Variants in SLCO1B1 observed in about 807,000 individuals in gnomAD.
The protein encoded by SLCO1B1 is solute carrier organic anion transporter family member 1B1, also known as OATP-2.
A neutral mutation model predicts 70.1 loss-of-function variants in SLCO1B1; 81 were observed. The ratio of observed to expected loss-of-function variants is 1.16; its 90% CI spans 0.97 to 1.39. The LOEUF (loss-of-function observed/expected upper bound fraction) is 1.39, where lower values mean the gene tolerates loss of function less well. Ranked by LOEUF, SLCO1B1 falls within the 40% of genes most tolerant of loss-of-function variation. The probability of loss-of-function intolerance (pLI) is 0.00; values close to 1 mark genes in which losing one functional copy is unlikely to be tolerated. For missense variants in SLCO1B1, 895 were observed against 799.6 expected (o/e 1.12, Z -1.44); for synonymous variants, 283 against 271.5 (o/e 1.04, Z -0.42).
chr12:21,157,600 ATTT>A (rs533368425), intron 2 of SLCO1B1, among the ~76,000 whole-genome samples: 18 of 136,790 alleles, frequency 1.3e-4, no homozygotes, highest in Admixed American at 1.5e-4. Context: ...AGACTGTAAA[ATTT>A]TTTTTTTTTT....
intron 1 of SLCO1B1, among the ~76,000 whole-genome samples, chr12:21,139,781 T>C (rs373321826): frequency 6.6e-6 from 1 of 152,192 alleles, no homozygotes; most frequent in African/African-American, 2.4e-5. Flanking sequence ...CTCTGTCTTC[T>C]TGTTTCTGCT....
At chr12:21,221,327 G>A (rs1941421650) in intron 12 of SLCO1B1, among the ~76,000 whole-genome samples, 1 of 151,996 alleles carries the variant, frequency 6.6e-6, no homozygotes, top group African/African-American at 2.4e-5. Context: ...TCAGGCAATA[G>A]AAAGAAAGAA....
intron 1 of SLCO1B1, among the ~76,000 whole-genome samples, chr12:21,132,177 A>G (rs563422262): frequency 1.3e-5 from 2 of 152,180 alleles, no homozygotes; most frequent in Non-Finnish European, 2.9e-5. Context: ...CATCATTTTT[A>G]TGGCTGCATA....
chr12:21,220,855 C>G, intron 12 of SLCO1B1, among the ~76,000 whole-genome samples: 1 of 150,716 alleles, frequency 6.6e-6, no homozygotes, highest in East Asian at 1.9e-4. Flanking sequence ...AAACCAATAT[C>G]CCTGATGAAC....
intron 10 of SLCO1B1, among the ~76,000 whole-genome samples, chr12:21,205,380 G>A (rs920913096): frequency 6.6e-6 from 1 of 151,586 alleles, no homozygotes; most frequent in African/African-American, 2.4e-5. Context: ...TCTGCTTTAA[G>A]CATGTCTGTT....
rs528687205 is a variant in SLCO1B1, at chr12:21,165,781, GC to G, written c.85-6866del. 2.2e-3 allele frequency among the ~76,000 whole-genome samples: 336 copies of G among 152,152 alleles called. 1 individual carries two copies. The highest frequency in any genetic ancestry group is 7.3e-3 in the African/African-American group (304 of 41,526). On this transcript the variant is annotated intron_variant, in intron 2 of 14. Transcript: ENST00000256958. ...TTAGCTGTTTGCAGCCTAGGAGAGG[GC>G]CCTCACCAGAAATTGACCATGCTGG... is the stretch of plus-strand genomic sequence containing the variant.
At chr12:21,169,604 G>A (rs1019678761) in intron 2 of SLCO1B1, among the ~76,000 whole-genome samples, 4 of 152,032 alleles carry the variant, frequency 2.6e-5, no homozygotes, top group Non-Finnish European at 4.4e-5. Flanking sequence ...TTGCTATTTT[G>A]TTTATTTGTT....
chr12:21,193,777 G>A (rs962580452), intron 7 of SLCO1B1, among the ~76,000 whole-genome samples: 9 of 152,056 alleles, frequency 5.9e-5, no homozygotes, highest in Non-Finnish European at 1.3e-4. Flanking sequence ...TCCATCAGAT[G>A]TTCTAAGTCA....
chr12:21,225,542 A>G (rs929602912), intron 14 of SLCO1B1, among the ~76,000 whole-genome samples: 14 of 152,230 alleles, frequency 9.2e-5, no homozygotes, highest in African/African-American at 3.1e-4. Flanking sequence ...AGCAGAAACT[A>G]AGTATGACCC....
chr12:21,189,002 T>A (rs1009676018), intron 7 of SLCO1B1, among the ~76,000 whole-genome samples: 1 of 152,222 alleles, frequency 6.6e-6, no homozygotes, highest in African/African-American at 2.4e-5. Flanking sequence ...ATTTTCTTTA[T>A]CCATTTATCC....
chr12:21,148,046 G>A (rs1222606262), intron 2 of SLCO1B1, among the ~76,000 whole-genome samples: 1 of 152,114 alleles, frequency 6.6e-6, no homozygotes. Flanking sequence ...CCCACTTTTT[G>A]ATGGCATTGT....
At position 21,202,686 on chromosome 12, in the gene SLCO1B1, G is replaced by T; in HGVS notation, c.1331G>T (p.Gly444Val). 1 of 1,605,946 alleles carries T rather than the reference G, an allele frequency of 6.2e-7. No individual in the cohort carries two copies. The highest frequency in any genetic ancestry group is 2.2e-5 in the East Asian group (1 of 44,668). ...GCCGGACTAACCATGACCTATGATG[G>T]GTTTGTATATATCACTATATCAATT... The part of the protein sequence containing the change: ...SVAGLTMTYD[G>V]NNPVTSHRDV... The change falls in exon 10 of 15, where the codon GGA becomes GTA. Residue 444 changes from glycine (G) to valine (V), a missense_variant and splice_region_variant. Transcript: ENST00000256958.
chr12:21,183,627 A>AAG (rs1940930661), intron 7 of SLCO1B1, among the ~76,000 whole-genome samples: 1 of 152,212 alleles, frequency 6.6e-6, no homozygotes, highest in South Asian at 2.1e-4. Flanking sequence ...ACCACAGTTA[A>AAG]AGGAACACCA....
intron 1 of SLCO1B1, among the ~76,000 whole-genome samples, chr12:21,141,196 A>T (rs1225733656): frequency 6.6e-6 from 1 of 152,020 alleles, no homozygotes; most frequent in Non-Finnish European, 1.5e-5. Flanking sequence ...ATAGGTGTGT[A>T]GAAAAGATAA....
intron 3 of SLCO1B1, 148 bp downstream of exon 3, chr12:21,172,939 A>G (rs1940774110): frequency 1.3e-6 from 1 of 740,814 alleles, no homozygotes; most frequent in African/African-American, 1.8e-5. Flanking sequence ...ATAACTGCAC[A>G]GGGGTTGGGG....
intron 1 of SLCO1B1, among the ~76,000 whole-genome samples, chr12:21,138,815 G>A (rs1940266802): frequency 6.6e-6 from 1 of 152,136 alleles, no homozygotes; most frequent in Admixed American, 6.5e-5. Flanking sequence ...ATACAAGAGG[G>A]CAGAAAGCTT....
intron 1 of SLCO1B1, among the ~76,000 whole-genome samples, chr12:21,138,644 G>A (rs74068909): frequency 0.068 from 10,297 of 152,076 alleles, 1,068 homozygotes; most frequent in African/African-American, 0.23. Context: ...GGGAAGTAGG[G>A]GAAATACAAA....
chr12:21,199,342 T>C lies in SLCO1B1; in HGVS notation c.971-1166T>C, dbSNP rs527622503. 3.4e-4 allele frequency among the ~76,000 whole-genome samples: 52 copies of C among 152,322 alleles called. 1 individual carries two copies. The South Asian group carries it at 0.011, about 32-fold the overall frequency. On this transcript the variant is annotated intron_variant, in intron 8 of 14. Coordinates refer to ENST00000256958, the MANE Select transcript of SLCO1B1 (RefSeq NM_006446.5). ...TAGTTCCTTCTACTTTTAAGTCCTA[T>C]TACAGCTAGTTGACCTGGTGATCAC... is the stretch of plus-strand genomic sequence containing the variant.
intron 7 of SLCO1B1, among the ~76,000 whole-genome samples, chr12:21,182,029 G>A (rs745578186): frequency 6.6e-6 from 1 of 152,098 alleles, no homozygotes; most frequent in Admixed American, 6.6e-5. Context: ...CACTTCCACT[G>A]AGGAAGCCCA....
Sources: gnomAD v4.1 joint callset for allele counts (sites outside exome capture counted in the v4.1 genomes callset) on GRCh38, gnomAD v4.1.1 for gene constraint, MANE v1.5 for transcripts, NCBI Gene and HGNC (gene_info 2026-07-23, HGNC 2026-07-21) for gene names.